The following EPHA6 variants were observed in gnomAD, a reference collection of about 807,000 sequenced individuals.
EPHA6 encodes the protein EPH receptor A6.
EPHA6 carries 50 observed loss-of-function variants against 112.0 expected under a neutral mutation model. The ratio of observed to expected loss-of-function variants is 0.45; its 90% CI spans 0.36 to 0.56. EPHA6 has a LOEUF of 0.56. Ranked by LOEUF, EPHA6 falls within the 20% of genes least tolerant of loss-of-function variation. The pLI, the probability that EPHA6 is intolerant of heterozygous loss-of-function variation, is 0.00. For missense variants in EPHA6, 1,280 were observed against 1,417.4 expected, an observed-to-expected ratio of 0.90 and a Z score of 1.56; for synonymous variants, 529 against 490.7, an observed-to-expected ratio of 1.08 and a Z score of -1.03.
intron 10 of EPHA6, among the ~76,000 whole-genome samples, chr3:97,507,658 G>C (rs925703360): frequency 6.6e-6 from 1 of 152,128 alleles, no homozygotes; most frequent in Non-Finnish European, 1.5e-5. Flanking sequence ...TTGGGTATCA[G>C]GATGATGCTG....
At chr3:97,638,785 T>C (rs1023948687) in intron 14 of EPHA6, among the ~76,000 whole-genome samples, 1 of 152,168 alleles carries the variant, frequency 6.6e-6, no homozygotes. Flanking sequence ...TTCAAGCTAC[T>C]AATTCATAAA....
At chr3:97,356,444 A>G (rs561475410) in intron 5 of EPHA6, among the ~76,000 whole-genome samples, 7 of 152,270 alleles carry the variant, frequency 4.6e-5, no homozygotes, top group Admixed American at 3.3e-4. Flanking sequence ...AAACCAGTCA[A>G]AGACGTTGGG....
At chr3:97,714,833 A>C (rs1211348527) in intron 14 of EPHA6, among the ~76,000 whole-genome samples, 1 of 152,242 alleles carries the variant, frequency 6.6e-6, no homozygotes, top group Non-Finnish European at 1.5e-5. Context: ...CCCACCAACA[A>C]GAAATTATAA....
At chr3:96,868,700 G>A (rs1250043601) in intron 2 of EPHA6, among the ~76,000 whole-genome samples, 2 of 151,740 alleles carry the variant, frequency 1.3e-5, no homozygotes, top group East Asian at 3.9e-4. Flanking sequence ...CAATATATGA[G>A]GTAAAGTATG....
chr3:96,992,203 A>G (rs999312283), intron 3 of EPHA6, among the ~76,000 whole-genome samples: 2 of 152,192 alleles, frequency 1.3e-5, no homozygotes, highest in African/African-American at 4.8e-5. Context: ...ATTATTGCCA[A>G]TTGCTCAGTA....
chr3:96,884,279 G>A (rs939793377), intron 2 of EPHA6, among the ~76,000 whole-genome samples: 2 of 151,916 alleles, frequency 1.3e-5, no homozygotes, highest in African/African-American at 2.4e-5. Context: ...TTTTGATGGG[G>A]ATTGCATTGA....
intron 14 of EPHA6, among the ~76,000 whole-genome samples, chr3:97,652,332 G>C (rs1017108336): frequency 2.0e-5 from 3 of 151,532 alleles, no homozygotes; most frequent in African/African-American, 7.3e-5. Flanking sequence ...AACATTACCG[G>C]TTATTTATGC....
At chr3:97,334,160 G>A (rs184190936) in intron 5 of EPHA6, among the ~76,000 whole-genome samples, 23 of 152,150 alleles carry the variant, frequency 1.5e-4, no homozygotes, top group African/African-American at 4.3e-4. Flanking sequence ...CCACCTGGTC[G>A]TAGTATATAA....
At chr3:97,475,522 T>C (rs59354013) in intron 8 of EPHA6, 62 bp downstream of exon 8, 133,567 of 1,167,174 alleles carry the variant, frequency 0.11, 11,870 homozygotes, top group African/African-American at 0.38. Flanking sequence ...TTATACATTG[T>C]GTATTCAAAT....
At chr3:97,181,575 G>GTA (rs1332876784) in intron 3 of EPHA6, among the ~76,000 whole-genome samples, 43 of 132,910 alleles carry the variant, frequency 3.2e-4, no homozygotes, top group East Asian at 1.4e-3. Flanking sequence ...TAGCAGAAGT[G>GTA]TATATATATA....
At chr3:96,954,869 C>T (rs994776709) in intron 2 of EPHA6, among the ~76,000 whole-genome samples, 38 of 137,806 alleles carry the variant, frequency 2.8e-4, no homozygotes, top group African/African-American at 9.6e-4. Context: ...TCTCGGCTCA[C>T]TGCAAGCTCC....
At chr3:97,190,609 CA>C (rs2077275789) in intron 3 of EPHA6, among the ~76,000 whole-genome samples, 1 of 151,866 alleles carries the variant, frequency 6.6e-6, no homozygotes, top group South Asian at 2.1e-4. Flanking sequence ...TTTTAATTGA[CA>C]AATATAAATT....
At chr3:97,630,972 A>G (rs1177512491) in intron 13 of EPHA6, among the ~76,000 whole-genome samples, 1 of 151,892 alleles carries the variant, frequency 6.6e-6, no homozygotes, top group Non-Finnish European at 1.5e-5. Context: ...ATCCCATCCT[A>G]ATCTCAGTTT....
At chr3:96,976,031 A>G (rs2042509009) in intron 2 of EPHA6, among the ~76,000 whole-genome samples, 2 of 152,172 alleles carry the variant, frequency 1.3e-5, no homozygotes. Flanking sequence ...AGAAGTGCAA[A>G]ATTAATAGCA....
At chr3:97,382,491 A>T (rs2085811207) in intron 5 of EPHA6, among the ~76,000 whole-genome samples, 1 of 152,064 alleles carries the variant, frequency 6.6e-6, no homozygotes, top group Non-Finnish European at 1.5e-5. Flanking sequence ...GGCATTAAGG[A>T]ATTTTTGAAG....
intron 1 of EPHA6, among the ~76,000 whole-genome samples, chr3:96,832,639 C>A (rs976001254): frequency 6.6e-6 from 1 of 151,934 alleles, no homozygotes; most frequent in Non-Finnish European, 1.5e-5. Context: ...ATATTGTGCC[C>A]AATATTGGTT....
At chr3:96,972,181 G>T (rs2042339105) in intron 2 of EPHA6, among the ~76,000 whole-genome samples, 1 of 151,820 alleles carries the variant, frequency 6.6e-6, no homozygotes, top group Non-Finnish European at 1.5e-5. Context: ...TATTTTCCAT[G>T]ACTATTCCCC....
chr3:97,666,014 G>A (rs193195008), intron 14 of EPHA6, among the ~76,000 whole-genome samples: 120 of 149,700 alleles, frequency 8.0e-4, no homozygotes, highest in South Asian at 3.8e-3. Context: ...CTGAGATATC[G>A]CCGTTACACT....
At chr3:97,247,257 A>T (rs2108588801) in intron 5 of EPHA6, among the ~76,000 whole-genome samples, 1 of 152,110 alleles carries the variant, frequency 6.6e-6, no homozygotes, top group African/African-American at 2.4e-5. Flanking sequence ...ACAAAAATGC[A>T]AAATTGATAA....
Sources: gnomAD v4.1 joint callset for allele counts (sites outside exome capture counted in the v4.1 genomes callset) on GRCh38, gnomAD v4.1.1 for gene constraint, MANE v1.5 for transcripts, NCBI Gene and HGNC (gene_info 2026-07-23, HGNC 2026-07-21) for gene names.